Variants in ANXA7 observed in about 807,000 individuals in gnomAD.
The protein encoded by ANXA7 is annexin VII.
A neutral mutation model predicts 64.9 loss-of-function variants in ANXA7; 55 were observed. That is an observed-to-expected ratio of 0.85 (90% confidence interval 0.68 to 1.06). The LOEUF (loss-of-function observed/expected upper bound fraction) is 1.06, where lower values mean the gene tolerates loss of function less well. Ranked by LOEUF, ANXA7 falls within the 50% of genes least tolerant of loss-of-function variation. The pLI is 0.00. For missense variants in ANXA7, 548 were observed against 582.1 expected (o/e 0.94, Z 0.60); for synonymous variants, 200 against 192.4 (o/e 1.04, Z -0.33).
At chr10:73,410,141 CA>C (rs1258925568) in intron 1 of ANXA7, among the ~76,000 whole-genome samples, 3 of 151,844 alleles carry the variant, frequency 2.0e-5, no homozygotes, top group African/African-American at 4.8e-5. Flanking sequence ...GCAACAAAAA[CA>C]AAAATAAATA....
intron 5 of ANXA7, among the ~76,000 whole-genome samples, chr10:73,390,693 A>AATAAAT (rs1554816949): frequency 7.8e-6 from 1 of 127,474 alleles, no homozygotes; most frequent in African/African-American, 3.4e-5. Context: ...TCTTTTGTAA[A>AATAAAT]ATATATATAT....
rs2055588543 is a variant in ANXA7, at chr10:73,397,146, T to C, written c.370+18A>G. The C allele has an allele frequency of 7.0e-7, 1 of 1,422,680 alleles. No individual in the cohort carries two copies. Among genetic ancestry groups the C allele is most frequent in the East Asian group, 2.4e-5 (1 of 41,080 alleles). The allele number at this position is 1,422,680 out of a possible 1,614,324, so 88.1% of individuals were successfully genotyped here. Reference sequence around the variant, plus strand: ...AAAATATCATGATACTGTTTTTTTCTGGACAGCTGGTACCTACCAGGTAGT... The same window carrying C: ...AAAATATCATGATACTGTTTTTTTCCGGACAGCTGGTACCTACCAGGTAGT... On this transcript the variant is annotated intron_variant, in intron 4 of 12. Coordinates refer to ENST00000372921, the MANE Select transcript of ANXA7 (RefSeq NM_001156.5).
At chr10:73,395,396 T>C (rs952569404) in intron 5 of ANXA7, among the ~76,000 whole-genome samples, 6 of 152,206 alleles carry the variant, frequency 3.9e-5, no homozygotes, top group Non-Finnish European at 8.8e-5. Context: ...AAAATAAAAG[T>C]AAGCATCAAG....
chr10:73,400,245 T>C (rs2055639840), intron 2 of ANXA7, among the ~76,000 whole-genome samples: 1 of 152,160 alleles, frequency 6.6e-6, no homozygotes, highest in Non-Finnish European at 1.5e-5. Flanking sequence ...AGGTGGAACT[T>C]AGTAGCACAT....
chr10:73,390,143 T>C (rs1224370494), intron 5 of ANXA7, among the ~76,000 whole-genome samples: 1 of 152,220 alleles, frequency 6.6e-6, no homozygotes, highest in Non-Finnish European at 1.5e-5. Context: ...ACCTCCAAAG[T>C]ATTATCATTT....
At chr10:73,402,266 G>T (rs989766914) in intron 1 of ANXA7, among the ~76,000 whole-genome samples, 8 of 152,120 alleles carry the variant, frequency 5.3e-5, no homozygotes, top group African/African-American at 1.9e-4. Flanking sequence ...ACAGCTTGCT[G>T]CAGCCTTGAC....
rs1554815379 is a variant in ANXA7, at chr10:73,377,773, G to GGGGGGTGTGTGTGT, written c.1278+1137_1278+1138insACACACACACCCCC. ...ACTACCATGCCGGGGGGTGGGTGTG[G>GGGGGGTGTGTGTGT]GTGTGTGTGTGTGTGTGTGTGTGTG... On this transcript the variant is annotated intron_variant, in intron 12 of 12. Transcript: ENST00000372921. Among the ~76,000 whole-genome samples the GGGGGGTGTGTGTGT allele has an allele frequency of 3.9e-3, 487 of 124,820 alleles. 15 individuals carry two copies. The highest frequency in any genetic ancestry group is 0.011 in the East Asian group (39 of 3,590). The allele number at this position is 124,820 out of a possible 152,430, so 81.9% of individuals were successfully genotyped here.
rs1445527623 is a variant in ANXA7, at chr10:73,395,833, A to C, written c.435+686T>G. The C allele has an allele frequency of 6.1e-6, 4 of 656,790 alleles. No homozygotes were observed. In the East Asian group the frequency reaches 1.2e-4, roughly 19 times the overall value. The allele number at this position is 656,790 out of a possible 1,614,324, so 40.7% of individuals were successfully genotyped here. ...ATACGGAGTAGGGCAAATATTTGAC[A>C]TATAGGAAACTCTGCAGCTAATGAG... On this transcript the variant is annotated intron_variant, in intron 5 of 12. Transcript: ENST00000372921.
chr10:73,405,240 CAAA>C (rs796132395), intron 1 of ANXA7, among the ~76,000 whole-genome samples: 2 of 71,614 alleles, frequency 2.8e-5, no homozygotes, highest in African/African-American at 5.3e-5. Flanking sequence ...AATACTGTCT[CAAA>C]AAAAAAAAAA....
Position 73,387,719 on chromosome 10 carries a change from A to C in ANXA7, c.603T>G (p.Ile201Met). Residue 201 changes from isoleucine (I) to methionine (M), a missense_variant, in exon 7 of 13, where the codon ATT becomes ATG. By Grantham distance (10) the Ile-to-Met change is conservative (BLOSUM62 1). Transcript: ENST00000372921. ...CATAGGAGGTCTTAAATGCTGCTTTAATTTTTTGCCTCTGATCATTGGAAC... is the reference window on the plus strand; with the variant it reads ...CATAGGAGGTCTTAAATGCTGCTTTCATTTTTTGCCTCTGATCATTGGAAC... ...ANRSNDQRQKIKAAFKTSYGK... is the reference protein window; with the variant it reads ...ANRSNDQRQKMKAAFKTSYGK... 2 of 1,614,026 alleles carry C rather than the reference A, an allele frequency of 1.2e-6. No homozygotes were observed. Among genetic ancestry groups the C allele is most frequent in the Non-Finnish European group, 8.5e-7 (1 of 1,179,994 alleles).
At chr10:73,396,455 C>G in intron 5 of ANXA7, 64 bp downstream of exon 5, 1 of 1,262,014 alleles carries the variant, frequency 7.9e-7, no homozygotes, top group Non-Finnish European at 1.1e-6. Context: ...GAAACCTCAG[C>G]AAAGGATAGG....
At chr10:73,387,953 G>A (rs1008431930) in intron 6 of ANXA7, among the ~76,000 whole-genome samples, 170 bp from the exon 7 acceptor site, 2 of 150,150 alleles carry the variant, frequency 1.3e-5, no homozygotes, top group African/African-American at 4.9e-5. Context: ...CCAGGTTCAA[G>A]CAATTCTCCT....
chr10:73,397,333 T>C (rs1352547853), intron 3 of ANXA7, 59 bp from the exon 4 acceptor site: 27 of 1,007,906 alleles, frequency 2.7e-5, no homozygotes, highest in Non-Finnish European at 3.9e-5. Context: ...CAGAAAAAAC[T>C]TTAGAAAAAT....
intron 1 of ANXA7, among the ~76,000 whole-genome samples, chr10:73,407,494 T>G (rs1564535016): frequency 6.6e-6 from 1 of 152,142 alleles, no homozygotes; most frequent in Non-Finnish European, 1.5e-5. Flanking sequence ...GTGATATGGA[T>G]TCTGCAGGTC....
At chr10:73,411,104 A>T (rs2055831383) in intron 1 of ANXA7, among the ~76,000 whole-genome samples, 2 of 152,238 alleles carry the variant, frequency 1.3e-5, no homozygotes, top group Admixed American at 1.3e-4. Context: ...ATGGAATACT[A>T]CTCAGCCATT....
chr10:73,400,384 G>A (rs2055641850), intron 2 of ANXA7, among the ~76,000 whole-genome samples: 1 of 151,620 alleles, frequency 6.6e-6, no homozygotes, highest in African/African-American at 2.4e-5. Flanking sequence ...TGACTCAAGG[G>A]CATTAAAAAA....
At chr10:73,376,316 T>G in intron 12 of ANXA7, 99 bp from the exon 13 acceptor site, 1 of 1,203,958 alleles carries the variant, frequency 8.3e-7, no homozygotes. Context: ...TAATCAAAAC[T>G]TGGGGGGGAA....
At chr10:73,411,361 G>A (rs558538318) in intron 1 of ANXA7, among the ~76,000 whole-genome samples, 7 of 152,156 alleles carry the variant, frequency 4.6e-5, no homozygotes, top group African/African-American at 1.7e-4. Flanking sequence ...ACATTACTTG[G>A]GTGACTAAAA....
At chr10:73,401,575 T>C (rs1254357655) in intron 1 of ANXA7, among the ~76,000 whole-genome samples, 4 of 151,630 alleles carry the variant, frequency 2.6e-5, no homozygotes, top group South Asian at 2.1e-4. Flanking sequence ...TCTCAGCTCA[T>C]TGCAACCTCC....
Sources: allele counts gnomAD v4.1 joint callset (sites outside exome capture counted in the v4.1 genomes callset), GRCh38; gene constraint gnomAD v4.1.1; transcripts MANE v1.5; gene names NCBI Gene and HGNC (gene_info 2026-07-23, HGNC 2026-07-21).